FGF13: variants seen among roughly 807,000 people sequenced by gnomAD.
FGF13 encodes the protein fibroblast growth factor homologous factor 2.
FGF13 carries 2 observed loss-of-function variants against 19.5 expected under a neutral mutation model. The ratio of observed to expected loss-of-function variants is 0.10; its 90% CI spans 0.04 to 0.32. FGF13 has a LOEUF of 0.32. FGF13 is among the 10% of genes least tolerant of loss of function. The probability of loss-of-function intolerance (pLI) is 1.00; values close to 1 mark genes in which losing one functional copy is unlikely to be tolerated. For missense variants in FGF13, 113 were observed against 192.7 expected (o/e 0.59, Z 2.45); for synonymous variants, 72 against 76.9 (o/e 0.94, Z 0.33).
chrX:139,039,196 C>T (rs1251756007), intron 1 of FGF13, among the ~76,000 whole-genome samples: 1 of 111,894 alleles, frequency 8.9e-6, no homozygotes, highest in Non-Finnish European at 1.9e-5. Flanking sequence ...CATGACAGCC[C>T]CACAAAGTGG....
rs2089073979 is a variant in FGF13 at position 138,627,591 on chromosome X, G to GTGTGCC, written c.*5253_*5258dup. On this transcript the variant is annotated 3_prime_UTR_variant, in exon 5 of 5. Transcript: ENST00000315930. ...TCTTTTGGAGGCCCATCTAGTGTGTGTGTGCCTGTGTGTGTGTGTGTGTGT... is the reference window on the plus strand; with the variant it reads ...TCTTTTGGAGGCCCATCTAGTGTGTGTGTGCCTGTGCCTGTGTGTGTGTGTGTGTGT... 1.3e-5 allele frequency: 1 copy of GTGTGCC among 77,056 alleles called. No homozygotes were observed. The highest frequency in any genetic ancestry group is 2.4e-5 in the Non-Finnish European group (1 of 41,407). 6.4% of individuals were successfully genotyped at this position (77,056 alleles called of 1,213,427 possible).
intron 1 of FGF13, among the ~76,000 whole-genome samples, chrX:138,972,095 CTA>C (rs1280062868): frequency 2.0e-5 from 1 of 51,198 alleles, no homozygotes; most frequent in Non-Finnish European, 4.6e-5. Flanking sequence ...ACATTTTTCT[CTA>C]TTCATCCATT....
chrX:138,926,712 G>A (rs1259374402), intron 1 of FGF13, among the ~76,000 whole-genome samples: 1 of 111,936 alleles, frequency 8.9e-6, no homozygotes, highest in Admixed American at 9.5e-5. Context: ...CAGCACTTTG[G>A]GAGGCCGAGG....
chrX:138,713,971 G>A (rs2090078392), upstream of FGF13, among the ~76,000 whole-genome samples: 2 of 111,331 alleles, frequency 1.8e-5, no homozygotes, highest in African/African-American at 6.5e-5. Flanking sequence ...TGTCCTTCTT[G>A]CTCTAATCCT....
chrX:138,995,515 T>C (rs1042160985), intron 1 of FGF13, among the ~76,000 whole-genome samples: 1 of 111,806 alleles, frequency 8.9e-6, no homozygotes, highest in African/African-American at 3.3e-5. Context: ...TTTGTATTCA[T>C]ATCTTCTTAC....
chrX:138,915,926 G>A (rs1169106221), intron 1 of FGF13, among the ~76,000 whole-genome samples: 3 of 111,872 alleles, frequency 2.7e-5, no homozygotes, highest in Admixed American at 9.5e-5. Context: ...TCTGGTCCTA[G>A]TACCTTCACT....
intron 3 of FGF13, among the ~76,000 whole-genome samples, chrX:138,683,802 G>A (rs1287440238): frequency 6.3e-5 from 7 of 111,799 alleles, no homozygotes; most frequent in Non-Finnish European, 1.3e-4. Context: ...TCAGCGGGAT[G>A]ACGAGCAGGA....
At chrX:139,114,605 GA>G (rs1215985268) in intron 1 of FGF13, among the ~76,000 whole-genome samples, 5 of 110,595 alleles carry the variant, frequency 4.5e-5, no homozygotes, top group Admixed American at 9.6e-5. Context: ...GTTCAACGAG[GA>G]AAAAAAAGTC....
chrX:138,643,346 T>A (rs1260825722), intron 3 of FGF13, among the ~76,000 whole-genome samples: 1 of 112,416 alleles, frequency 8.9e-6, no homozygotes, highest in Non-Finnish European at 1.9e-5. Flanking sequence ...AACAAACAAA[T>A]ACAATACATC....
chrX:138,744,047 C>A (rs1475016805), upstream of FGF13, among the ~76,000 whole-genome samples: 1 of 111,461 alleles, frequency 9.0e-6, no homozygotes, highest in African/African-American at 3.3e-5. Flanking sequence ...CCAAGTCACT[C>A]ATTTCCTACA....
intron 1 of FGF13, among the ~76,000 whole-genome samples, chrX:139,050,449 T>C (rs2092300503): frequency 1.8e-5 from 2 of 111,839 alleles, no homozygotes; most frequent in South Asian, 7.4e-4. Context: ...CATGAACACA[T>C]AAATACAGCC....
At chrX:139,027,060 A>G (rs760958252) in intron 1 of FGF13, among the ~76,000 whole-genome samples, 1 of 112,139 alleles carries the variant, frequency 8.9e-6, no homozygotes, top group East Asian at 2.8e-4. Flanking sequence ...GTCAAATGAA[A>G]TTACTCAGTG....
At chrX:138,854,697 A>C (rs2091246419), downstream of FGF13, among the ~76,000 whole-genome samples, 1 of 112,417 alleles carries the variant, frequency 8.9e-6, no homozygotes. Flanking sequence ...TTATTTCCCC[A>C]AAAGGCTTAA....
At chrX:139,062,215 T>G (rs1024112205) in intron 1 of FGF13, among the ~76,000 whole-genome samples, 1 of 111,791 alleles carries the variant, frequency 8.9e-6, no homozygotes, top group Non-Finnish European at 1.9e-5. Context: ...TTTAAATCTT[T>G]AATCCATTTT....
chrX:139,199,773 G>A (rs1227757266), intron 1 of FGF13, among the ~76,000 whole-genome samples: 1 of 111,398 alleles, frequency 9.0e-6, no homozygotes, highest in Admixed American at 9.6e-5. Flanking sequence ...CACATCTCCA[G>A]ACCTAGGACA....
Position 138,658,059 on chromosome X carries a change from C to T in FGF13, c.403-22404G>A, listed in dbSNP as rs546191437. ...AAGTGGAAACTATGAAATAAGCTTC[C>T]ATTGTAATGGCAGAACCTTACTGAA... On this transcript the variant is annotated intron_variant, in intron 3 of 4. Transcript: ENST00000315930. 2.7e-5 allele frequency among the ~76,000 whole-genome samples: 3 copies of T among 111,924 alleles called. No individual in the cohort carries two copies. In the South Asian group the frequency reaches 1.1e-3, roughly 42 times the overall value.
At chrX:138,923,485 C>T (rs889210483) in intron 1 of FGF13, among the ~76,000 whole-genome samples, 2 of 112,280 alleles carry the variant, frequency 1.8e-5, no homozygotes, top group Non-Finnish European at 3.8e-5. Flanking sequence ...GCTGGTACAA[C>T]CCTGCAGACA....
chrX:139,185,309 CTA>C (rs2084274373), intron 1 of FGF13, among the ~76,000 whole-genome samples: 1 of 112,309 alleles, frequency 8.9e-6, no homozygotes, highest in South Asian at 3.6e-4. Flanking sequence ...TTTTAACCCA[CTA>C]TATAATACTG....
chrX:138,828,871 A>T (rs2091053062), intron 3 of FGF13, among the ~76,000 whole-genome samples: 1 of 111,635 alleles, frequency 9.0e-6, no homozygotes, highest in Admixed American at 9.5e-5. Flanking sequence ...GGAAAAAGAC[A>T]CAGGACATTC....
Sources: allele counts gnomAD v4.1 joint callset (sites outside exome capture counted in the v4.1 genomes callset), GRCh38; gene constraint gnomAD v4.1.1; transcripts MANE v1.5; gene names NCBI Gene and HGNC (gene_info 2026-07-23, HGNC 2026-07-21).